DPF3: variants seen among roughly 807,000 people sequenced by gnomAD.
DPF3 encodes the protein double PHD fingers 3.
Under a neutral mutation model 56.8 loss-of-function variants are expected in DPF3, and 18 were observed. The observed-to-expected ratio is 0.32, with a 90% CI of 0.22 to 0.47. The LOEUF is 0.47. Among genes scored for constraint, DPF3 ranks in the 20% least tolerant of loss-of-function variants. The pLI, the probability that DPF3 is intolerant of heterozygous loss-of-function variation, is 1.00. For synonymous variants in DPF3, 188 were observed against 180.2 expected (o/e 1.04, Z -0.35); for missense variants, 403 against 488.8 (o/e 0.82, Z 1.65).
chr14:72,851,497 A>G (rs1482723475), intron 1 of DPF3, among the ~76,000 whole-genome samples: 1 of 152,232 alleles, frequency 6.6e-6, no homozygotes, highest in African/African-American at 2.4e-5. Context: ...GAAAATGCTT[A>G]TCATGAAGCA....
intron 1 of DPF3, among the ~76,000 whole-genome samples, chr14:72,835,200 T>A (rs1399222361): frequency 6.6e-6 from 1 of 152,148 alleles, no homozygotes; most frequent in African/African-American, 2.4e-5. Context: ...CCTGAGTAGC[T>A]GGGATTACAG....
At chr14:72,658,599 A>G (rs925072040) in intron 8 of DPF3, among the ~76,000 whole-genome samples, 4 of 152,224 alleles carry the variant, frequency 2.6e-5, no homozygotes, top group African/African-American at 9.6e-5. Flanking sequence ...GTACATGCAG[A>G]GGAAAAAGAA....
intron 2 of DPF3, among the ~76,000 whole-genome samples, chr14:72,760,408 C>G (rs567991849): frequency 1.3e-5 from 2 of 152,138 alleles, no homozygotes; most frequent in South Asian, 2.1e-4. Context: ...TTATAAGAAC[C>G]CTTGTGATTA....
Position 72,609,049 on chromosome 14 carries a change from T to G in DPF3, c.*10248A>C, listed in dbSNP as rs768591776. Among the ~76,000 whole-genome samples the G allele has an allele frequency of 5.3e-5, 8 of 152,218 alleles. No homozygotes were observed. The highest frequency in any genetic ancestry group is 1.0e-4 in the Non-Finnish European group (7 of 68,040). On this transcript the variant is annotated 3_prime_UTR_variant, in exon 11 of 11. Transcript: ENST00000556509. The stretch of plus-strand genomic sequence containing the variant: ...GAGTTTCCAAGAGTTTTAAAGCCTT[T>G]TATTTGTTTACACATTCTCTAAATT...
chr14:72,827,461 T>C (rs1883857998), intron 1 of DPF3, among the ~76,000 whole-genome samples: 1 of 147,904 alleles, frequency 6.8e-6, no homozygotes, highest in Non-Finnish European at 1.5e-5. Flanking sequence ...TACCAACTCC[T>C]AGTACTCAAC....
intron 8 of DPF3, among the ~76,000 whole-genome samples, chr14:72,636,949 G>T (rs1398702912): frequency 6.6e-6 from 1 of 152,250 alleles, no homozygotes; most frequent in East Asian, 1.9e-4. Context: ...CCTTTCTTGG[G>T]CAAAACACCT....
chr14:72,672,764 A>G (rs1886745533), intron 8 of DPF3, among the ~76,000 whole-genome samples: 1 of 152,200 alleles, frequency 6.6e-6, no homozygotes, highest in African/African-American at 2.4e-5. Context: ...TGCAATGAGA[A>G]TTCTGAAGCT....
At chr14:72,770,766 T>C (rs1891490900) in intron 2 of DPF3, among the ~76,000 whole-genome samples, 1 of 152,202 alleles carries the variant, frequency 6.6e-6, no homozygotes, top group Non-Finnish European at 1.5e-5. Flanking sequence ...TAAAAACATA[T>C]CCAGGCAGAG....
rs1166371322 is a variant in DPF3, at chr14:72,714,504, G to A, written c.526-3C>T. ...CTGCCCCCTGCAGAGCCGCGAGCCTGGGGAGACATTGGGGTACAGGATGCT... is the reference window on the plus strand; with the variant it reads ...CTGCCCCCTGCAGAGCCGCGAGCCTAGGGAGACATTGGGGTACAGGATGCT... On this transcript the variant is annotated splice_region_variant and splice_polypyrimidine_tract_variant and intron_variant, in intron 5 of 10. Transcript: ENST00000556509. The A allele has an allele frequency of 1.2e-6, 2 of 1,613,684 alleles. No homozygotes were observed. The highest frequency in any genetic ancestry group is 1.7e-5 in the Admixed American group (1 of 60,010).
At chr14:72,872,834 T>C (rs1185636101) in intron 1 of DPF3, among the ~76,000 whole-genome samples, 1 of 152,222 alleles carries the variant, frequency 6.6e-6, no homozygotes, top group Non-Finnish European at 1.5e-5. Flanking sequence ...GGATTCCCTA[T>C]TTAATAAATG....
chr14:72,771,900 G>C lies in DPF3; in HGVS notation c.33-7C>G. 6.4e-7 allele frequency: 1 copy of C among 1,569,566 alleles called. No individual in the cohort carries two copies. Among genetic ancestry groups the C allele is most frequent in the African/African-American group, 1.4e-5 (1 of 73,930 alleles). On this transcript the variant is annotated splice_polypyrimidine_tract_variant and splice_region_variant and intron_variant, in intron 1 of 10. Transcript: ENST00000556509. ...GTAGAACTGGTCCCCGAGCCTGCCA[G>C]AGTCAGAGAGTGAAGGGGTGAGGCC...
chr14:72,636,492 C>T (rs1381478524), intron 8 of DPF3, among the ~76,000 whole-genome samples: 2 of 152,128 alleles, frequency 1.3e-5, no homozygotes, highest in Non-Finnish European at 2.9e-5. Context: ...ATTCCCTCCC[C>T]CTCTCTTCAT....
At position 72,629,782 on chromosome 14, in the gene DPF3, G is replaced by T. The variant is rs185329375; in HGVS notation, c.872-46C>A. 1.4e-3 allele frequency: 1,967 copies of T among 1,413,132 alleles called. 4 individuals are homozygous for T. Among genetic ancestry groups the T allele is most frequent in the Admixed American group, 2.3e-3 (119 of 50,812 alleles). The allele number at this position is 1,413,132 out of a possible 1,614,324, so 87.5% of individuals were successfully genotyped here. On this transcript the variant is annotated intron_variant, in intron 8 of 10. Coordinates refer to ENST00000556509, the MANE Select transcript of DPF3 (RefSeq NM_001280542.3). The stretch of plus-strand genomic sequence containing the variant: ...CAGCATTAGGGCCAAAGTATGAACT[G>T]CCACCCCTCAACACCACTCACTGGA...
chr14:72,659,464 T>A (rs1240444902), intron 8 of DPF3, among the ~76,000 whole-genome samples: 3 of 152,196 alleles, frequency 2.0e-5, no homozygotes, highest in Non-Finnish European at 4.4e-5. Flanking sequence ...CATGGCCCAC[T>A]ATTATGGACA....
rs546088494 is a variant in DPF3, at chr14:72,641,466, G to A, written c.872-11730C>T. The stretch of plus-strand genomic sequence containing the variant: ...GATGAATCAAATCCCACTGGAAGCC[G>A]TGCCTTTCTTTCTGACCTTGGATCG... On this transcript the variant is annotated intron_variant, in intron 8 of 10. Transcript: ENST00000556509. 7.7e-4 allele frequency among the ~76,000 whole-genome samples: 118 copies of A among 152,314 alleles called. 1 individual carries two copies. Among genetic ancestry groups the A allele is most frequent in the African/African-American group, 2.5e-3 (105 of 41,568 alleles).
chr14:72,631,322 A>T (rs1296014222), intron 8 of DPF3, among the ~76,000 whole-genome samples: 3 of 152,222 alleles, frequency 2.0e-5, no homozygotes, highest in Non-Finnish European at 4.4e-5. Context: ...GGCCCCAAAG[A>T]AAAAGAAGCC....
intron 8 of DPF3, among the ~76,000 whole-genome samples, chr14:72,632,332 T>C (rs1885215764): frequency 6.6e-6 from 1 of 152,162 alleles, no homozygotes; most frequent in African/African-American, 2.4e-5. Flanking sequence ...TAGTCACATC[T>C]GAATAAAGTC....
chr14:72,616,533 G>A lies in DPF3; in HGVS notation c.*2764C>T, dbSNP rs1422131590. Among the ~76,000 whole-genome samples the A allele has an allele frequency of 2.0e-5, 3 of 152,158 alleles. No individual in the cohort carries two copies. The highest frequency in any genetic ancestry group is 2.9e-5 in the Non-Finnish European group (2 of 68,038). On this transcript the variant is annotated 3_prime_UTR_variant, in exon 11 of 11. Coordinates refer to ENST00000556509, the MANE Select transcript of DPF3 (RefSeq NM_001280542.3). ...AAGAAGGCGGACATGGAAAACATCC[G>A]GAGTTCTTCCCAGACAAGCATGGCT...
chr14:72,749,636 G>C (rs1890478654), intron 3 of DPF3, among the ~76,000 whole-genome samples: 3 of 152,228 alleles, frequency 2.0e-5, no homozygotes, highest in Admixed American at 1.3e-4. Context: ...CCACGTTGTG[G>C]GAAGGACCCG....
Sources: gnomAD v4.1 joint callset for allele counts (sites outside exome capture counted in the v4.1 genomes callset) on GRCh38, gnomAD v4.1.1 for gene constraint, MANE v1.5 for transcripts, NCBI Gene and HGNC (gene_info 2026-07-23, HGNC 2026-07-21) for gene names.